Variants in CLECL1 observed in about 807,000 individuals in gnomAD.
CLECL1 encodes the protein C-type lectin-like domain family 1.
chr12:9,722,643 C>T (rs746249342), downstream of CLECL1: 3 of 1,612,512 alleles, frequency 1.9e-6, no homozygotes, highest in Non-Finnish European at 2.5e-6. Flanking sequence ...TTAAATCTCA[C>T]CATAGCAGTA....
At chr12:9,722,522 A>T, downstream of CLECL1, 1 of 1,419,274 alleles carries the variant, frequency 7.0e-7, no homozygotes, top group African/African-American at 1.5e-5. Flanking sequence ...TTCAACTAAT[A>T]TTTGTATAGT....
Position 9,732,809 on chromosome 12 carries a change from G to C in CLECL1, n.82+140C>G, listed in dbSNP as rs367665023. The stretch of plus-strand genomic sequence containing the variant: ...ACATTTTGCTTCATTAAAAACATTC[G>C]CTCTTATTCTTAGCATTCAATGAAT... On this transcript the variant is annotated intron_variant and non_coding_transcript_variant, in intron 1 of 3. Transcript: ENST00000621400. The C allele has an allele frequency of 8.2e-6, 5 of 613,390 alleles. No individual in the cohort carries two copies. In the East Asian group the frequency reaches 1.5e-4, roughly 18 times the overall value. 38.0% of individuals were successfully genotyped at this position (613,390 alleles called of 1,614,324 possible).
intron 3 of CLECL1, among the ~76,000 whole-genome samples, chr12:9,724,386 A>G (rs1347243967): frequency 1.3e-5 from 2 of 152,142 alleles, no homozygotes; most frequent in Non-Finnish European, 2.9e-5. Context: ...GCAGCTCAAT[A>G]TAAGGATGAT....
At chr12:9,713,818 C>CT (rs1203062339), downstream of CLECL1, among the ~76,000 whole-genome samples, 1 of 152,152 alleles carries the variant, frequency 6.6e-6, no homozygotes, top group African/African-American at 2.4e-5. Context: ...TATTATTACT[C>CT]TTATTGGAAG....
intron 2 of CLECL1, among the ~76,000 whole-genome samples, chr12:9,717,064 G>A (rs988993810): frequency 6.6e-6 from 1 of 152,182 alleles, no homozygotes; most frequent in Admixed American, 6.5e-5. Context: ...AAGTCCTGGA[G>A]GATTATTGTT....
At chr12:9,712,942 G>A (rs748468479), downstream of CLECL1, among the ~76,000 whole-genome samples, 13 of 152,312 alleles carry the variant, frequency 8.5e-5, no homozygotes, top group South Asian at 2.5e-3. Flanking sequence ...GTAGCAGGAT[G>A]AGCCGCAGAC....
At chr12:9,712,585 T>G (rs149209783), downstream of CLECL1, among the ~76,000 whole-genome samples, 952 of 152,316 alleles carry the variant, frequency 6.3e-3, 7 homozygotes, top group African/African-American at 0.022. Context: ...TATTGTGATA[T>G]TCAATAAAAG....
intron 1 of CLECL1, among the ~76,000 whole-genome samples, chr12:9,730,986 A>G (rs1223206296): frequency 6.6e-6 from 1 of 152,196 alleles, no homozygotes; most frequent in East Asian, 1.9e-4. Context: ...GTGCCTGGCC[A>G]CTACACATGT....
intron 1 of CLECL1, among the ~76,000 whole-genome samples, chr12:9,730,881 T>C (rs767215672): frequency 8.5e-5 from 13 of 152,262 alleles, no homozygotes; most frequent in Admixed American, 5.2e-4. Flanking sequence ...GCATGAGGTC[T>C]CTCTGTGTTG....
chr12:9,725,747 G>A (rs1866372127), intron 3 of CLECL1, among the ~76,000 whole-genome samples: 1 of 152,020 alleles, frequency 6.6e-6, no homozygotes, highest in African/African-American at 2.4e-5. Context: ...TATAACCTGA[G>A]ATAATTAGGT....
intron 2 of CLECL1, among the ~76,000 whole-genome samples, chr12:9,717,211 C>G (rs1866248668): frequency 6.6e-6 from 1 of 152,170 alleles, no homozygotes; most frequent in Non-Finnish European, 1.5e-5. Flanking sequence ...GAGACTGAGA[C>G]CCTCCTGGCT....
chr12:9,732,230 A>C (rs2121069113), intron 1 of CLECL1, among the ~76,000 whole-genome samples: 2 of 152,340 alleles, frequency 1.3e-5, no homozygotes, highest in Middle Eastern at 6.8e-3. Context: ...ACTTTAAATT[A>C]TTTAAAACAC....
upstream of CLECL1, among the ~76,000 whole-genome samples, chr12:9,734,131 T>C (rs755091551): frequency 2.0e-5 from 3 of 152,264 alleles, no homozygotes; most frequent in Non-Finnish European, 4.4e-5. Flanking sequence ...GTTTTTTCAA[T>C]ACCCACTCAA....
chr12:9,707,970 G>C, the CLECL1 span, among the ~76,000 whole-genome samples: 2 of 152,062 alleles, frequency 1.3e-5, no homozygotes. Context: ...CCTCCATGTC[G>C]ACAGCCACAG....
At chr12:9,718,169 T>C (rs1866260158), downstream of CLECL1, among the ~76,000 whole-genome samples, 3 of 152,162 alleles carry the variant, frequency 2.0e-5, no homozygotes, top group African/African-American at 4.8e-5. Context: ...ATTTGAGATA[T>C]ACATTTTGTA....
downstream of CLECL1, among the ~76,000 whole-genome samples, chr12:9,711,212 C>A (rs972508186): frequency 4.6e-5 from 7 of 152,188 alleles, no homozygotes; most frequent in Admixed American, 2.0e-4. Flanking sequence ...GCCAGCCACA[C>A]CCCCATCTCA....
chr12:9,718,707 A>G (rs1483031553), downstream of CLECL1: 1 of 700,836 alleles, frequency 1.4e-6, no homozygotes, highest in South Asian at 1.5e-5. Context: ...ATTTGGATAC[A>G]CAGAGACATC....
At chr12:9,703,715 C>T in the CLECL1 span, among the ~76,000 whole-genome samples, 1 of 151,740 alleles carries the variant, frequency 6.6e-6, no homozygotes, top group Non-Finnish European at 1.5e-5. Flanking sequence ...CTTTTAATGT[C>T]AAAAGAACAC....
chr12:9,710,316 G>A, the CLECL1 span, among the ~76,000 whole-genome samples: 3 of 152,232 alleles, frequency 2.0e-5, no homozygotes, highest in East Asian at 3.9e-4. Flanking sequence ...GAACCCCCAG[G>A]TAGACCTCTC....
Sources: gnomAD v4.1 joint callset for allele counts (sites outside exome capture counted in the v4.1 genomes callset) on GRCh38, gnomAD v4.1.1 for gene constraint, MANE v1.5 for transcripts, NCBI Gene and HGNC (gene_info 2026-07-23, HGNC 2026-07-21) for gene names.